NTAN1: variants seen among roughly 807,000 people sequenced by gnomAD.
NTAN1 encodes the protein N-terminal asparagine amidase, also known as protein N-terminal asparagine amidohydrolase.
Under a neutral mutation model 41.9 loss-of-function variants are expected in NTAN1, and 32 were observed. That is an observed-to-expected ratio of 0.76 (90% CI 0.58 to 1.03). NTAN1 has a LOEUF of 1.03. NTAN1 is among the 50% of genes least tolerant of loss of function. NTAN1 has a pLI of 0.00. For missense variants in NTAN1, 377 were observed against 377.5 expected, an observed-to-expected ratio of 1.00 and a Z score of 0.01; for synonymous variants, 140 against 139.5, an observed-to-expected ratio of 1.00 and a Z score of -0.03.
chr16:15,055,595 T>TG (rs1187223937), intron 1 of NTAN1: 2 of 287,928 alleles, frequency 6.9e-6, no homozygotes, highest in African/African-American at 2.2e-5. Context: ...CGTCGGGGAA[T>TG]GGGGGTCCCG....
rs762687660 is a variant in NTAN1, at chr16:15,038,026, G to A, written c.*5C>T. 3 of 1,607,864 alleles carry A rather than the reference G, an allele frequency of 1.9e-6. No homozygotes were observed. The South Asian group carries it at 3.3e-5, about 18-fold the overall frequency. On this transcript the variant is annotated 3_prime_UTR_variant, in exon 10 of 10. Transcript: ENST00000287706. ...GAAGGTGCTTTCTTTGGTAATTCAT[G>A]TTTTTTAACTTCCTGGAGAAGAGAT...
intron 4 of NTAN1, chr16:15,047,183 G>A (rs1597795173): frequency 3.9e-6 from 2 of 508,384 alleles, no homozygotes; most frequent in East Asian, 3.3e-5. Context: ...CAACCTCGAC[G>A]TTCCTGAGAC....
At chr16:15,049,271 C>T (rs576089116) in intron 1 of NTAN1, among the ~76,000 whole-genome samples, 7 of 152,282 alleles carry the variant, frequency 4.6e-5, no homozygotes, top group Admixed American at 2.6e-4. Flanking sequence ...TCAAGTGATC[C>T]ACCCACCTTG....
At chr16:15,047,684 C>T in intron 3 of NTAN1, 134 bp from the exon 4 acceptor site, 1 of 895,496 alleles carries the variant, frequency 1.1e-6, no homozygotes, top group Admixed American at 1.8e-5. Flanking sequence ...GGTCTGTGCT[C>T]CCCAGCCAAC....
At chr16:15,047,643 C>G (rs1229221724) in intron 3 of NTAN1, 93 bp from the exon 4 acceptor site, 2 of 1,015,726 alleles carry the variant, frequency 2.0e-6, no homozygotes, top group Non-Finnish European at 3.1e-6. Flanking sequence ...ACCGCCTCAT[C>G]TTTGAATATC....
chr16:15,041,320 G>C (rs2043805534), intron 6 of NTAN1, among the ~76,000 whole-genome samples, 199 bp from the exon 7 acceptor site: 1 of 152,114 alleles, frequency 6.6e-6, no homozygotes, highest in Non-Finnish European at 1.5e-5. Flanking sequence ...GGCAGCTGCA[G>C]AATCGGTCCC....
intron 8 of NTAN1, among the ~76,000 whole-genome samples, chr16:15,039,339 G>A (rs1273927052): frequency 6.6e-6 from 1 of 152,154 alleles, no homozygotes; most frequent in Non-Finnish European, 1.5e-5. Context: ...GAAAACATCA[G>A]CATTTCATAA....
At chr16:15,055,184 C>T (rs951717973) in intron 1 of NTAN1, among the ~76,000 whole-genome samples, 2 of 152,110 alleles carry the variant, frequency 1.3e-5, no homozygotes, top group African/African-American at 2.4e-5. Context: ...CGCCACGCCC[C>T]GCTCTTTTTA....
intron 5 of NTAN1, 105 bp downstream of exon 5, chr16:15,044,229 G>T: frequency 6.9e-6 from 5 of 724,122 alleles, no homozygotes; most frequent in South Asian, 4.7e-5. Context: ...GCTCCAAGTG[G>T]GTGTGCCCTT....
chr16:15,044,578 G>A lies in NTAN1; in HGVS notation c.360-171C>T, dbSNP rs528526750. 4.9e-6 allele frequency: 3 copies of A among 609,898 alleles called. No homozygotes were observed. The South Asian group carries it at 6.0e-5, about 12-fold the overall frequency. The allele number at this position is 609,898 out of a possible 1,614,324, so 37.8% of individuals were successfully genotyped here. A position where few individuals can be genotyped will look rare whatever the true frequency, so the allele number is the denominator to read the frequency against. Reference sequence around the variant, plus strand: ...TATCGGCAGCACACTGCCAAGGCCAGTGGCGAGCTTCTGGGGACCCTGCCC... The same window carrying A: ...TATCGGCAGCACACTGCCAAGGCCAATGGCGAGCTTCTGGGGACCCTGCCC... On this transcript the variant is annotated intron_variant, in intron 4 of 9. Coordinates refer to ENST00000287706, the MANE Select transcript of NTAN1 (RefSeq NM_173474.4).
At chr16:15,039,606 T>C (rs1185309283) in intron 8 of NTAN1, among the ~76,000 whole-genome samples, 2 of 152,210 alleles carry the variant, frequency 1.3e-5, no homozygotes, top group African/African-American at 4.8e-5. Flanking sequence ...AAAGAATGCA[T>C]AGTCCTGAGT....
intron 1 of NTAN1, among the ~76,000 whole-genome samples, chr16:15,053,113 C>T (rs2044360626): frequency 1.3e-5 from 2 of 152,280 alleles, no homozygotes; most frequent in South Asian, 4.1e-4. Context: ...TCAATTTTAT[C>T]TAATTTTAAT....
At chr16:15,053,671 G>A (rs1311041513) in intron 1 of NTAN1, among the ~76,000 whole-genome samples, 2 of 152,138 alleles carry the variant, frequency 1.3e-5, no homozygotes, top group Non-Finnish European at 2.9e-5. Context: ...AGCACTTTGG[G>A]AGGCCGAGAC....
chr16:15,041,475 G>T, intron 6 of NTAN1, 148 bp downstream of exon 6: 1 of 731,614 alleles, frequency 1.4e-6, no homozygotes, highest in East Asian at 2.5e-5. Flanking sequence ...AGGGGAAGGG[G>T]AAGGCCATCC....
intron 1 of NTAN1, chr16:15,055,676 CCCTT>C (rs2044481442): frequency 2.7e-6 from 1 of 367,924 alleles, no homozygotes; most frequent in Admixed American, 4.6e-5. Flanking sequence ...CCCGTCCCCT[CCCTT>C]GTCAGAGAGT....
At chr16:15,045,967 CT>C (rs1249952663) in intron 4 of NTAN1, 1 of 147,808 alleles carries the variant, frequency 6.8e-6, no homozygotes, top group African/African-American at 2.5e-5. Flanking sequence ...ACCACCATGG[CT>C]TTGCCACTGG....
intron 5 of NTAN1, among the ~76,000 whole-genome samples, chr16:15,042,017 A>G (rs921347010): frequency 2.6e-5 from 4 of 152,194 alleles, no homozygotes; most frequent in African/African-American, 9.7e-5. Context: ...CCTGATTATC[A>G]GAATTACAAA....
Position 15,038,202 on chromosome 16 carries a change from G to GGAAA in NTAN1, c.758_761dup (p.Thr255PhefsTer7). The GGAAA allele has an allele frequency of 3.7e-6, 6 of 1,611,828 alleles. No homozygotes were observed. The highest frequency in any genetic ancestry group is 2.2e-5 in the South Asian group (2 of 90,578). ...GGGGTGGCTCAGCCAGAGGCGAAGT[G>GGAAA]GAAAGATTCTGAAAACACAAGATGG... On this transcript the variant is annotated frameshift_variant, in exon 10 of 10. Coordinates refer to ENST00000287706, the MANE Select transcript of NTAN1 (RefSeq NM_173474.4). LOFTEE classifies it high-confidence loss of function.
In NTAN1 at chr16:15,037,971, G is replaced by A. The variant is rs1465741735; in HGVS notation, c.*60C>T. On this transcript the variant is annotated 3_prime_UTR_variant, in exon 10 of 10. Transcript: ENST00000287706. The stretch of plus-strand genomic sequence containing the variant: ...ATGTAGGATCCAGATCTGGATTCGT[G>A]CCAGCCCCACCAATGGTCTGTCAGG... The A allele has an allele frequency of 4.6e-6, 6 of 1,307,184 alleles. No homozygotes were observed. The highest frequency in any genetic ancestry group is 1.9e-5 in the Admixed American group (1 of 53,408). 81.0% of individuals were successfully genotyped at this position (1,307,184 alleles called of 1,614,324 possible). A position where few individuals can be genotyped will look rare whatever the true frequency, so the allele number is the denominator to read the frequency against.
Sources: allele counts gnomAD v4.1 joint callset (sites outside exome capture counted in the v4.1 genomes callset), GRCh38; gene constraint gnomAD v4.1.1; transcripts MANE v1.5; gene names NCBI Gene and HGNC (gene_info 2026-07-23, HGNC 2026-07-21).